The following MGRN1 variants were observed in gnomAD, a reference collection of about 807,000 sequenced individuals.
MGRN1 encodes E3 ubiquitin-protein ligase MGRN1.
In MGRN1, 29 loss-of-function variants were observed where a neutral mutation model predicts 69.2. That is an observed-to-expected ratio of 0.42 (90% CI 0.31 to 0.57). The LOEUF (loss-of-function observed/expected upper bound fraction) is 0.57. MGRN1 is among the 20% of genes least tolerant of loss of function. MGRN1 has a pLI of 0.15. For missense variants in MGRN1, 998 were observed against 796.2 expected (o/e 1.25, Z -3.05); for synonymous variants, 470 against 344.2 (o/e 1.37, Z -4.04).
chr16:4,640,817 G>A (rs969655995), intron 1 of MGRN1, among the ~76,000 whole-genome samples: 14 of 152,234 alleles, frequency 9.2e-5, no homozygotes, highest in Non-Finnish European at 1.8e-4. Context: ...TGCAGGAGGG[G>A]AGGTGCCCAG....
At chr16:4,657,860 A>AG (rs2078586371) in intron 5 of MGRN1, among the ~76,000 whole-genome samples, 1 of 145,370 alleles carries the variant, frequency 6.9e-6, no homozygotes, top group South Asian at 2.2e-4. Context: ...ATTCTGCCTC[A>AG]GCCTCCCGAG....
At chr16:4,644,487 T>G (rs2078233889) in intron 1 of MGRN1, among the ~76,000 whole-genome samples, 1 of 151,756 alleles carries the variant, frequency 6.6e-6, no homozygotes, top group African/African-American at 2.4e-5. Context: ...ATTTTGTATT[T>G]TTAGTAGAGA....
intron 1 of MGRN1, among the ~76,000 whole-genome samples, chr16:4,644,508 C>T (rs149138953): frequency 6.6e-6 from 1 of 151,936 alleles, no homozygotes; most frequent in Non-Finnish European, 1.5e-5. Context: ...CAGGGTTTCT[C>T]CATTATGGTC....
chr16:4,638,241 T>C (rs899507908), intron 1 of MGRN1, among the ~76,000 whole-genome samples: 7 of 151,562 alleles, frequency 4.6e-5, no homozygotes, highest in African/African-American at 1.5e-4. Context: ...CCGAGGCGGG[T>C]GGATTACGAG....
intron 1 of MGRN1, chr16:4,649,736 C>G (rs1409680950): frequency 6.5e-6 from 1 of 152,876 alleles, no homozygotes; most frequent in East Asian, 1.9e-4. Flanking sequence ...AAACACAGCT[C>G]AGGCCACTAC....
At position 4,682,939 on chromosome 16, in the gene MGRN1, C is replaced by T. The variant is rs762534468; in HGVS notation, c.1475C>T (p.Ser492Phe). The T allele has an allele frequency of 4.4e-6, 7 of 1,579,096 alleles. No homozygotes were observed. The highest frequency in any genetic ancestry group is 5.2e-6 in the Non-Finnish European group (6 of 1,160,076). Residue 492 changes from serine to phenylalanine, a missense_variant, in exon 14 of 17, where the codon TCC becomes TTC. Coordinates refer to ENST00000262370, the MANE Select transcript of MGRN1 (RefSeq NM_015246.4). ...GAELALRESS[S>F]PESFITEEVD... ...GAGCTGGCCCTGCGGGAAAGCAGCT[C>T]CCCTGAGGTGAGGCCCCCCCGGGGA...
In MGRN1 at chr16:4,646,571, C is replaced by T. The variant is rs146377238; in HGVS notation, c.89-3794C>T. ...CTCCCCTCGGGACCTCTCCATGGGG[C>T]TGCTTGGGTGTCCTCACAGCATGGT... On this transcript the variant is annotated intron_variant, in intron 1 of 16. Coordinates refer to ENST00000262370, the MANE Select transcript of MGRN1 (RefSeq NM_015246.4). 1.1e-3 allele frequency among the ~76,000 whole-genome samples: 166 copies of T among 152,264 alleles called. 1 individual carries two copies. Among genetic ancestry groups the T allele is most frequent in the Non-Finnish European group, 1.4e-3 (96 of 68,010 alleles).
chr16:4,672,376 T>C (rs762284694), intron 9 of MGRN1: 5 of 456,692 alleles, frequency 1.1e-5, no homozygotes, highest in South Asian at 7.7e-5. Flanking sequence ...CACACTGACA[T>C]GAGTGAAACT....
intron 1 of MGRN1, among the ~76,000 whole-genome samples, chr16:4,631,102 G>A (rs534422394): frequency 6.6e-6 from 1 of 152,304 alleles, no homozygotes; most frequent in East Asian, 1.9e-4. Context: ...GATTACAGGT[G>A]TGAGCCGCTG....
At chr16:4,687,783 C>CT (rs1225275566) in intron 16 of MGRN1, 1 of 985,480 alleles carries the variant, frequency 1.0e-6, no homozygotes, top group Admixed American at 6.1e-5. Flanking sequence ...CTAAGAGGCC[C>CT]TTTCCCCTTG....
At chr16:4,682,703 C>T (rs934511956) in intron 13 of MGRN1, 120 bp from the exon 14 acceptor site, 23 of 1,194,882 alleles carry the variant, frequency 1.9e-5, no homozygotes, top group Middle Eastern at 3.0e-4. Context: ...CAGGGAGTGT[C>T]CTTGCGTGGG....
At chr16:4,670,759 A>G (rs1007527819) in intron 8 of MGRN1, among the ~76,000 whole-genome samples, 1 of 152,116 alleles carries the variant, frequency 6.6e-6, no homozygotes, top group Admixed American at 6.5e-5. Flanking sequence ...CCCTGCAGGT[A>G]CCAGGGGAAC....
chr16:4,680,745 CAG>C (rs1214230012), intron 12 of MGRN1: 2 of 152,538 alleles, frequency 1.3e-5, no homozygotes, highest in African/African-American at 4.8e-5. Context: ...GTGGGGTACA[CAG>C]AGGTCCAGAA....
At chr16:4,677,922 C>T (rs2079089543) in intron 11 of MGRN1, among the ~76,000 whole-genome samples, 1 of 150,624 alleles carries the variant, frequency 6.6e-6, no homozygotes, top group Non-Finnish European at 1.5e-5. Flanking sequence ...AATGTCAGCT[C>T]ACTGCAGCCT....
At chr16:4,677,346 C>T (rs1411679364) in intron 10 of MGRN1, 117 bp from the exon 11 acceptor site, 7 of 569,688 alleles carry the variant, frequency 1.2e-5, no homozygotes, top group Admixed American at 3.8e-5. Context: ...GATCTGGAAG[C>T]GGGGTCACCC....
chr16:4,645,530 A>C lies in MGRN1; in HGVS notation c.89-4835A>C, dbSNP rs1459690050. 2.0e-5 allele frequency among the ~76,000 whole-genome samples: 3 copies of C among 152,180 alleles called. No individual in the cohort carries two copies. The East Asian group carries it at 5.8e-4, about 29-fold the overall frequency. On this transcript the variant is annotated intron_variant, in intron 1 of 16. Transcript: ENST00000262370. ...TAAGATCTTAGAGCCTCCAGCCTAG[A>C]ACACCAGGCTGAAAAGTGCTGTGGA...
At chr16:4,681,518 C>A in intron 12 of MGRN1, 32 bp from the exon 13 acceptor site, 1 of 1,585,144 alleles carries the variant, frequency 6.3e-7, no homozygotes, top group Non-Finnish European at 8.6e-7. Flanking sequence ...GGTCCCTGGG[C>A]ATGAGCCCCC....
At chr16:4,686,527 C>CT in intron 16 of MGRN1, 3 of 1,370,036 alleles carry the variant, frequency 2.2e-6, no homozygotes, top group Non-Finnish European at 2.8e-6. Flanking sequence ...GGCCAGAGGT[C>CT]TCTCCATCTG....
At chr16:4,646,198 A>G (rs2078271600) in intron 1 of MGRN1, among the ~76,000 whole-genome samples, 1 of 152,138 alleles carries the variant, frequency 6.6e-6, no homozygotes, top group East Asian at 1.9e-4. Context: ...TGGGAGGCAA[A>G]GGTGGGAGGA....
Sources: gnomAD v4.1 joint callset for allele counts (sites outside exome capture counted in the v4.1 genomes callset) on GRCh38, gnomAD v4.1.1 for gene constraint, MANE v1.5 for transcripts, NCBI Gene and HGNC (gene_info 2026-07-23, HGNC 2026-07-21) for gene names.